The following PTPRD variants were observed in gnomAD, a reference collection of about 807,000 sequenced individuals.
The protein encoded by PTPRD is receptor-type tyrosine-protein phosphatase delta.
Under a neutral mutation model 214.5 loss-of-function variants are expected in PTPRD, and 34 were observed. That is an observed-to-expected ratio of 0.16 (90% confidence interval 0.12 to 0.21). The LOEUF is 0.21. PTPRD is among the 10% of genes least tolerant of loss of function. PTPRD has a pLI of 1.00. For missense variants in PTPRD, 2,545 were observed against 2,398.7 expected (o/e 1.06, Z -1.27); for synonymous variants, 1,128 against 845.7 (o/e 1.33, Z -5.79).
intron 35 of PTPRD, among the ~76,000 whole-genome samples, chr9:8,414,220 G>C (rs866561777): frequency 1.9e-4 from 29 of 152,080 alleles, no homozygotes; most frequent in Admixed American, 1.2e-3. Flanking sequence ...TAAATAAACA[G>C]AATGGCTCCC....
At chr9:8,934,975 C>G (rs10481626) in intron 11 of PTPRD, among the ~76,000 whole-genome samples, 20,023 of 152,016 alleles carry the variant, frequency 0.13, 1,711 homozygotes, top group South Asian at 0.19. Context: ...TAATATTCCA[C>G]TGTGTGTATA....
At chr9:8,669,515 T>A (rs2097237074) in intron 12 of PTPRD, among the ~76,000 whole-genome samples, 1 of 152,102 alleles carries the variant, frequency 6.6e-6, no homozygotes, top group African/African-American at 2.4e-5. Flanking sequence ...AAGTCCCTAG[T>A]ATTTTCCATT....
intron 3 of PTPRD, among the ~76,000 whole-genome samples, chr9:10,129,184 T>C (rs2098840726): frequency 6.6e-6 from 1 of 152,176 alleles, no homozygotes; most frequent in African/African-American, 2.4e-5. Context: ...TTTGGTGATA[T>C]TCATCTTGCT....
chr9:10,077,589 T>C (rs1308407363), intron 3 of PTPRD, among the ~76,000 whole-genome samples: 3 of 152,154 alleles, frequency 2.0e-5, no homozygotes, highest in African/African-American at 7.2e-5. Context: ...ATTATTTTGC[T>C]ATCCAGGTAA....
intron 7 of PTPRD, among the ~76,000 whole-genome samples, chr9:9,716,816 T>C (rs748844449): frequency 0.013 from 1,941 of 151,852 alleles, 32 homozygotes; most frequent in Middle Eastern, 0.031. Context: ...TTCACTTTGA[T>C]GGTAGTTTCT....
intron 5 of PTPRD, among the ~76,000 whole-genome samples, chr9:9,888,935 A>T (rs2072086077): frequency 6.6e-6 from 1 of 152,154 alleles, no homozygotes; most frequent in Admixed American, 6.6e-5. Flanking sequence ...CTGTTTAGAA[A>T]AATTTATGGT....
At chr9:10,061,794 A>T (rs1257149384) in intron 3 of PTPRD, among the ~76,000 whole-genome samples, 1 of 152,070 alleles carries the variant, frequency 6.6e-6, no homozygotes, top group Non-Finnish European at 1.5e-5. Flanking sequence ...TGTAAAATGA[A>T]GGTTTTTGGG....
chr9:10,203,130 G>A (rs200605889), intron 3 of PTPRD, among the ~76,000 whole-genome samples: 1 of 150,594 alleles, frequency 6.6e-6, no homozygotes, highest in East Asian at 2.0e-4. Context: ...GTGAGTTCCT[G>A]AGAAATCAGT....
At chr9:8,974,925 C>T (rs13301948) in intron 11 of PTPRD, among the ~76,000 whole-genome samples, 50,192 of 150,984 alleles carry the variant, frequency 0.33, 9,461 homozygotes, top group East Asian at 0.76. Flanking sequence ...CGTGAAACCC[C>T]GTCTGTACTA....
chr9:9,541,155 T>A (rs781054541), intron 8 of PTPRD, among the ~76,000 whole-genome samples: 6 of 151,750 alleles, frequency 4.0e-5, no homozygotes, highest in Non-Finnish European at 8.8e-5. Context: ...ATGAACCAAC[T>A]TTCCTAGGCT....
At chr9:9,615,405 C>A (rs969523101) in intron 7 of PTPRD, among the ~76,000 whole-genome samples, 5 of 152,140 alleles carry the variant, frequency 3.3e-5, no homozygotes, top group African/African-American at 1.2e-4. Context: ...AGCTCCAGCC[C>A]GGCCAAACCA....
intron 8 of PTPRD, among the ~76,000 whole-genome samples, chr9:9,539,545 A>G (rs1183520062): frequency 6.6e-6 from 1 of 151,848 alleles, no homozygotes; most frequent in Non-Finnish European, 1.5e-5. Flanking sequence ...TTATTCCTTC[A>G]CATTAACTAT....
chr9:10,430,109 A>G (rs1364753239), intron 2 of PTPRD, among the ~76,000 whole-genome samples: 3 of 151,986 alleles, frequency 2.0e-5, no homozygotes, highest in African/African-American at 7.2e-5. Context: ...GAGTAAATGT[A>G]GAACAACCTT....
intron 2 of PTPRD, among the ~76,000 whole-genome samples, chr9:10,579,939 C>G (rs183158731): frequency 6.6e-6 from 1 of 152,044 alleles, no homozygotes; most frequent in East Asian, 1.9e-4. Context: ...TGCCCTTTGT[C>G]AATGTTCAAT....
At chr9:10,342,546 T>C (rs940367520) in intron 2 of PTPRD, among the ~76,000 whole-genome samples, 2 of 152,086 alleles carry the variant, frequency 1.3e-5, no homozygotes, top group African/African-American at 4.8e-5. Context: ...AGGATCGATA[T>C]TTCATGGTAA....
intron 5 of PTPRD, among the ~76,000 whole-genome samples, chr9:9,928,757 T>TACACACACACACACACACACACACAC (rs60820386): frequency 2.6e-4 from 38 of 147,224 alleles, no homozygotes; most frequent in African/African-American, 9.0e-4. Flanking sequence ...TCTCTCTCTA[T>TACACACACACACACACACACACACAC]ACACACACAC....
At chr9:9,080,079 C>A (rs1218786862) in intron 10 of PTPRD, among the ~76,000 whole-genome samples, 2 of 151,980 alleles carry the variant, frequency 1.3e-5, no homozygotes, top group Non-Finnish European at 2.9e-5. Flanking sequence ...TTAGTCAAAT[C>A]ATAACCCATA....
chr9:9,176,589 G>T (rs1471648671), intron 10 of PTPRD, among the ~76,000 whole-genome samples: 1 of 152,106 alleles, frequency 6.6e-6, no homozygotes, highest in Non-Finnish European at 1.5e-5. Flanking sequence ...TTGGGAGTTG[G>T]GGCCTTAAAG....
intron 2 of PTPRD, among the ~76,000 whole-genome samples, chr9:10,477,254 AG>A (rs1431962501): frequency 1.3e-5 from 2 of 152,224 alleles, no homozygotes; most frequent in African/African-American, 4.8e-5. Context: ...GCTAAATTCC[AG>A]AATCTACAAG....
Sources: gnomAD v4.1 joint callset for allele counts (sites outside exome capture counted in the v4.1 genomes callset) on GRCh38, gnomAD v4.1.1 for gene constraint, MANE v1.5 for transcripts, NCBI Gene and HGNC (gene_info 2026-07-23, HGNC 2026-07-21) for gene names.